Variants in DPY19L4 observed in about 807,000 individuals in gnomAD.
DPY19L4 encodes dpy-19 like 4.
DPY19L4 carries 97 observed loss-of-function variants against 102.8 expected under a neutral mutation model. The ratio of observed to expected loss-of-function variants is 0.94; its 90% CI spans 0.80 to 1.12. The LOEUF is 1.12. DPY19L4 is among the 50% of genes most tolerant of loss of function. DPY19L4 has a pLI of 0.00. For missense variants in DPY19L4, 815 were observed against 850.4 expected, an observed-to-expected ratio of 0.96 and a Z score of 0.52; for synonymous variants, 252 against 283.1, an observed-to-expected ratio of 0.89 and a Z score of 1.10.
chr8:94,763,565 G>C (rs1266866871), intron 8 of DPY19L4, among the ~76,000 whole-genome samples: 1 of 151,010 alleles, frequency 6.6e-6, no homozygotes, highest in Non-Finnish European at 1.5e-5. Flanking sequence ...CTGTCACCCA[G>C]GCTGGAGTGC....
At chr8:94,786,860 T>A (rs1268776225) in intron 17 of DPY19L4, among the ~76,000 whole-genome samples, 3 of 152,174 alleles carry the variant, frequency 2.0e-5, no homozygotes, top group South Asian at 4.1e-4. Context: ...CCATATCATT[T>A]AAATTACACA....
chr8:94,765,775 G>A lies in DPY19L4; in HGVS notation c.1067G>A (p.Cys356Tyr). The change falls in exon 10 of 19, where the codon TGT (cysteine) becomes TAT (tyrosine). Residue 356 changes from cysteine to tyrosine, a missense_variant. By Grantham distance (194) the Cys-to-Tyr change is radical (BLOSUM62 -2). Coordinates refer to ENST00000414645, the MANE Select transcript of DPY19L4 (RefSeq NM_181787.3). ...IIKVINFYLV[C>Y]TLTITLNIIM... Reference sequence around the variant, plus strand: ...AAAGTGATTAATTTTTACTTGGTGTGTACTCTGACAATAACATTGAATATT... The same window carrying A: ...AAAGTGATTAATTTTTACTTGGTGTATACTCTGACAATAACATTGAATATT... 2 of 1,593,928 alleles carry A rather than the reference G, an allele frequency of 1.3e-6. No individual in the cohort carries two copies. Among genetic ancestry groups the A allele is most frequent in the Middle Eastern group, 1.7e-4 (1 of 5,968 alleles).
chr8:94,785,731 T>G (rs891800327), intron 17 of DPY19L4, among the ~76,000 whole-genome samples: 3 of 152,198 alleles, frequency 2.0e-5, no homozygotes, highest in Non-Finnish European at 4.4e-5. Flanking sequence ...CTGAGAATGA[T>G]TTCCTTGAGA....
chr8:94,738,273 C>T (rs1438906086), intron 3 of DPY19L4, 96 bp from the exon 4 acceptor site: 10 of 375,536 alleles, frequency 2.7e-5, no homozygotes, highest in South Asian at 8.2e-5. Context: ...GAGCCGAGAT[C>T]GCGCCACTGC....
chr8:94,783,344 A>T (rs28465097), intron 16 of DPY19L4, among the ~76,000 whole-genome samples: 27,996 of 152,114 alleles, frequency 0.18, 2,595 homozygotes, highest in Admixed American at 0.23. Flanking sequence ...ACCTTATCTA[A>T]AATAATATAT....
At chr8:94,764,856 G>A (rs1812598365) in intron 8 of DPY19L4, among the ~76,000 whole-genome samples, 1 of 147,908 alleles carries the variant, frequency 6.8e-6, no homozygotes, top group South Asian at 2.2e-4. Context: ...AGCCTCCCGA[G>A]TGGCTGGGAT....
At chr8:94,745,467 AAAG>A (rs945147987) in intron 6 of DPY19L4, among the ~76,000 whole-genome samples, 3 of 152,192 alleles carry the variant, frequency 2.0e-5, no homozygotes, top group Non-Finnish European at 4.4e-5. Flanking sequence ...CTTTGGCAAA[AAAG>A]CAACTGTACA....
chr8:94,787,090 A>G (rs1439759001), intron 17 of DPY19L4, among the ~76,000 whole-genome samples: 1 of 152,164 alleles, frequency 6.6e-6, no homozygotes, highest in Admixed American at 6.5e-5. Context: ...CTTGTGTCCC[A>G]ACAAAGAATG....
intron 7 of DPY19L4, 87 bp from the exon 8 acceptor site, chr8:94,761,613 A>C: frequency 1.7e-6 from 2 of 1,193,838 alleles, no homozygotes; most frequent in Non-Finnish European, 2.2e-6. Context: ...AACGAGTAAC[A>C]GAGCTACAAC....
intron 3 of DPY19L4, 53 bp downstream of exon 3, chr8:94,734,807 A>T: frequency 1.2e-6 from 2 of 1,608,584 alleles, no homozygotes; most frequent in East Asian, 4.5e-5. Context: ...GGGAACCAGA[A>T]TGTATGTATG....
chr8:94,782,738 A>G (rs1163520487), intron 16 of DPY19L4, among the ~76,000 whole-genome samples: 1 of 152,224 alleles, frequency 6.6e-6, no homozygotes, highest in African/African-American at 2.4e-5. Flanking sequence ...ACTATAACAT[A>G]TCTTCTATTT....
Position 94,789,521 on chromosome 8 carries a change from A to G in DPY19L4, c.2008-225A>G, listed in dbSNP as rs538612307. ...TAGGATTAAATCTTTTAAAAATTGG[A>G]AACCTTTGTGCTGGTTTCTCAGTGT... On this transcript the variant is annotated intron_variant, in intron 18 of 18. Transcript: ENST00000414645. 6.6e-5 allele frequency among the ~76,000 whole-genome samples: 10 copies of G among 152,292 alleles called. No individual in the cohort carries two copies. The East Asian group carries it at 1.9e-3, about 29-fold the overall frequency.
chr8:94,742,365 A>G (rs893266222), intron 6 of DPY19L4, among the ~76,000 whole-genome samples: 11 of 152,060 alleles, frequency 7.2e-5, no homozygotes, highest in African/African-American at 2.4e-4. Context: ...CTCAAAAAAA[A>G]AGAAAGTCTT....
In DPY19L4 at chr8:94,765,259, TG is replaced by T; in HGVS notation, c.949del (p.Val317TyrfsTer5). On this transcript the variant is annotated frameshift_variant, in exon 9 of 19. Transcript: ENST00000414645. LOFTEE classifies it high-confidence loss of function. Reference protein sequence around the residue: ...YLLQFENPALLVSPLLSLVAA... With the variant: ...YLLQFENPALXVSPLLSLVAA... ...CTACAGTTTGAGAATCCAGCTTTGT[TG>T]GTATCTCCTTTATTAAGTTTAGTAG... The T allele has an allele frequency of 6.2e-7, 1 of 1,610,354 alleles. No individual in the cohort carries two copies. The highest frequency in any genetic ancestry group is 8.5e-7 in the Non-Finnish European group (1 of 1,179,192).
At chr8:94,740,202 G>A (rs1811383799) in intron 6 of DPY19L4, among the ~76,000 whole-genome samples, 1 of 152,206 alleles carries the variant, frequency 6.6e-6, no homozygotes, top group Non-Finnish European at 1.5e-5. Flanking sequence ...AGAGCATCCA[G>A]CCATACTCTG....
rs763629539 is a variant in DPY19L4 at position 94,739,501 on chromosome 8, T to C, written c.432T>C (p.Ile144=). Residue 144 remains isoleucine (I), a synonymous_variant, in exon 5 of 19, where the codon ATT becomes ATC. Coordinates refer to ENST00000414645, the MANE Select transcript of DPY19L4 (RefSeq NM_181787.3). ...VQQMSLYPEL[I]ASILYQATGS... is the part of the protein sequence containing the mutation. ...AAATGTCTCTGTATCCGGAACTTAT[T>C]GCTAGCATTTTATATCAAGCCACTG... The C allele has an allele frequency of 2.1e-5, 33 of 1,607,302 alleles. No homozygotes were observed. Among genetic ancestry groups the C allele is most frequent in the Non-Finnish European group, 2.5e-5 (30 of 1,178,384 alleles).
chr8:94,765,870 A>G, intron 10 of DPY19L4, 61 bp downstream of exon 10: 15 of 1,070,612 alleles, frequency 1.4e-5, no homozygotes, highest in Non-Finnish European at 2.1e-5. Context: ...ATATTGGACT[A>G]CATTTTAATG....
In DPY19L4 at chr8:94,793,733, A is replaced by G. The variant is rs1048664111; in HGVS notation, c.*3823A>G. On this transcript the variant is annotated 3_prime_UTR_variant, in exon 19 of 19. Coordinates refer to ENST00000414645, the MANE Select transcript of DPY19L4 (RefSeq NM_181787.3). ...GTAGAATTAACACTTTAAAATAAAC[A>G]GGTGTGAAAATTATAAAGGAATATA... 6.6e-6 allele frequency: 1 copy of G among 152,216 alleles called. No individual in the cohort carries two copies. The highest frequency in any genetic ancestry group is 2.4e-5 in the African/African-American group (1 of 41,456). The allele number at this position is 152,216 out of a possible 1,614,324, so 9.4% of individuals were successfully genotyped here.
chr8:94,730,732 C>T (rs868820739), intron 2 of DPY19L4, among the ~76,000 whole-genome samples: 2 of 143,220 alleles, frequency 1.4e-5, no homozygotes, highest in Non-Finnish European at 3.1e-5. Context: ...GCAACAAGAG[C>T]GAAACTCTGT....
Sources: allele counts gnomAD v4.1 joint callset (sites outside exome capture counted in the v4.1 genomes callset), GRCh38; gene constraint gnomAD v4.1.1; transcripts MANE v1.5; gene names NCBI Gene and HGNC (gene_info 2026-07-23, HGNC 2026-07-21).